Variants in COBL observed in about 807,000 individuals in gnomAD.
The protein encoded by COBL is cordon-bleu WH2 repeat protein, also known as protein cordon-bleu.
Under a neutral mutation model 98.8 loss-of-function variants are expected in COBL, and 51 were observed. The ratio of observed to expected loss-of-function variants is 0.52; its 90% CI spans 0.41 to 0.65. The LOEUF (loss-of-function observed/expected upper bound fraction) is 0.65. Ranked by LOEUF, COBL falls within the 30% of genes least tolerant of loss-of-function variation. The pLI is 0.00. For missense variants in COBL, 1,617 were observed against 1,617.5 expected (o/e 1.00, Z 0.01); for synonymous variants, 634 against 651.7 (o/e 0.97, Z 0.41).
intron 1 of COBL, among the ~76,000 whole-genome samples, chr7:51,241,592 TAA>T (rs1451370021): frequency 6.6e-6 from 1 of 152,168 alleles, no homozygotes; most frequent in East Asian, 1.9e-4. Context: ...TTTAAAAAAA[TAA>T]AAGTCACTGT....
chr7:51,038,621 T>G (rs962708823), intron 8 of COBL, among the ~76,000 whole-genome samples: 2 of 152,168 alleles, frequency 1.3e-5, no homozygotes, highest in Non-Finnish European at 2.9e-5. Flanking sequence ...CCAAACCGTG[T>G]TTAGTGAATA....
At chr7:51,033,913 TCCTC>T (rs1430025165) in intron 8 of COBL, 2 of 152,236 alleles carry the variant, frequency 1.3e-5, no homozygotes, top group African/African-American at 4.8e-5. Context: ...TTCAACACCT[TCCTC>T]CTCCCAGGCT....
intron 1 of COBL, among the ~76,000 whole-genome samples, chr7:51,292,682 TCC>T (rs1801020114): frequency 1.3e-5 from 2 of 152,156 alleles, no homozygotes; most frequent in South Asian, 4.2e-4. Flanking sequence ...GTGTGGAGGG[TCC>T]CTCCTGTCTG....
chr7:51,168,115 A>C (rs1223160683), intron 5 of COBL, among the ~76,000 whole-genome samples: 3 of 152,190 alleles, frequency 2.0e-5, no homozygotes, highest in African/African-American at 7.2e-5. Context: ...AACCCACAAA[A>C]TGAAGAGACA....
intron 5 of COBL, among the ~76,000 whole-genome samples, chr7:51,182,291 T>C (rs1241699087): frequency 1.3e-5 from 2 of 151,860 alleles, no homozygotes; most frequent in East Asian, 3.9e-4. Flanking sequence ...TTCTCTTTTT[T>C]TTTTTTTTGA....
intron 6 of COBL, among the ~76,000 whole-genome samples, chr7:51,127,224 C>G (rs1365745164): frequency 6.6e-6 from 1 of 152,154 alleles, no homozygotes; most frequent in African/African-American, 2.4e-5. Flanking sequence ...TACAAAGACA[C>G]AGAACTGGAA....
chr7:51,199,791 A>G (rs1465405738), intron 2 of COBL, among the ~76,000 whole-genome samples: 1 of 151,976 alleles, frequency 6.6e-6, no homozygotes, highest in Non-Finnish European at 1.5e-5. Flanking sequence ...GAAAAAAAAA[A>G]AAAGAAAAAG....
At chr7:51,203,831 C>A (rs1447991367) in intron 2 of COBL, among the ~76,000 whole-genome samples, 1 of 152,066 alleles carries the variant, frequency 6.6e-6, no homozygotes, top group Non-Finnish European at 1.5e-5. Context: ...TTTTTAAACT[C>A]TTCCAAAAAA....
At chr7:51,032,038 C>T (rs956757763) in intron 8 of COBL, 5 of 152,250 alleles carry the variant, frequency 3.3e-5, no homozygotes, top group Admixed American at 2.6e-4. Context: ...CTTATTATAA[C>T]CCTCACAGTT....
intron 7 of COBL, among the ~76,000 whole-genome samples, chr7:51,080,400 CCA>C (rs1017766475): frequency 6.6e-6 from 1 of 152,176 alleles, no homozygotes; most frequent in Non-Finnish European, 1.5e-5. Context: ...GATGTGAAAG[CCA>C]CAGTGTCCCC....
In COBL at chr7:51,074,191, A is replaced by ATTTT. The variant is rs369421469; in HGVS notation, c.1096+10971_1096+10974dup. 6.3e-3 allele frequency among the ~76,000 whole-genome samples: 631 copies of ATTTT among 100,478 alleles called. 6 individuals are homozygous for ATTTT. The highest frequency in any genetic ancestry group is 8.9e-3 in the East Asian group (29 of 3,260). 65.9% of individuals were successfully genotyped at this position (100,478 alleles called of 152,430 possible). ...TCTTAACTAGTAAAACAAGGTAATG[A>ATTTT]TTTTTTTTTTTTTTTTTTTTTTTGA... is the stretch of plus-strand genomic sequence containing the variant. On this transcript the variant is annotated intron_variant, in intron 7 of 12. Coordinates refer to ENST00000265136, the MANE Select transcript of COBL (RefSeq NM_015198.5).
chr7:51,061,649 T>C lies in COBL; in HGVS notation c.1097-17957A>G, dbSNP rs76411739. Among the ~76,000 whole-genome samples, 173 of 152,262 alleles carry C rather than the reference T, an allele frequency of 1.1e-3. 1 individual carries two copies. The highest frequency in any genetic ancestry group is 3.6e-3 in the African/African-American group (149 of 41,526). On this transcript the variant is annotated intron_variant, in intron 7 of 12. Coordinates refer to ENST00000265136, the MANE Select transcript of COBL (RefSeq NM_015198.5). ...TTTACCAGAGTGATCAGCATCTGAATTGACAGACAGTAAGGAAGATGTGCC... is the reference window on the plus strand; with the variant it reads ...TTTACCAGAGTGATCAGCATCTGAACTGACAGACAGTAAGGAAGATGTGCC...
chr7:51,190,705 TACTTCA>T, intron 4 of COBL, 139 bp downstream of exon 4: 1 of 652,860 alleles, frequency 1.5e-6, no homozygotes, highest in Non-Finnish European at 2.7e-6. Flanking sequence ...CTTTTTTGCC[TACTTCA>T]ACTTGACTTG....
chr7:51,198,495 C>A (rs144050593), intron 2 of COBL, among the ~76,000 whole-genome samples: 1 of 152,096 alleles, frequency 6.6e-6, no homozygotes, highest in Non-Finnish European at 1.5e-5. Context: ...TAGGAGGGAT[C>A]TTCTTGTGAA....
At chr7:51,212,727 G>A (rs1232627279) in intron 2 of COBL, among the ~76,000 whole-genome samples, 1 of 152,200 alleles carries the variant, frequency 6.6e-6, no homozygotes, top group Non-Finnish European at 1.5e-5. Context: ...CTAGTGGCAT[G>A]CACCATAGCA....
At chr7:51,095,484 C>T (rs185940319) in intron 6 of COBL, among the ~76,000 whole-genome samples, 4 of 152,086 alleles carry the variant, frequency 2.6e-5, no homozygotes, top group Non-Finnish European at 4.4e-5. Flanking sequence ...ACAAGATATA[C>T]GGAAACCAAT....
intron 7 of COBL, among the ~76,000 whole-genome samples, chr7:51,056,361 G>GTGTCAAAAGGC (rs200470103): frequency 6.6e-6 from 1 of 151,796 alleles, no homozygotes; most frequent in Non-Finnish European, 1.5e-5. Context: ...TACATCCCAG[G>GTGTCAAAAGGC]TGTCAAAAGG....
At chr7:51,113,532 A>G (rs886797329) in intron 6 of COBL, among the ~76,000 whole-genome samples, 10 of 152,188 alleles carry the variant, frequency 6.6e-5, no homozygotes, top group Admixed American at 4.6e-4. Flanking sequence ...TAAAATTACT[A>G]AAGTGGTTCC....
intron 1 of COBL, among the ~76,000 whole-genome samples, chr7:51,252,390 C>T (rs1796800580): frequency 6.6e-6 from 1 of 152,146 alleles, no homozygotes; most frequent in Non-Finnish European, 1.5e-5. Flanking sequence ...TTCCAATCTC[C>T]CCAGCCCTAG....
Sources: allele counts gnomAD v4.1 joint callset (sites outside exome capture counted in the v4.1 genomes callset), GRCh38; gene constraint gnomAD v4.1.1; transcripts MANE v1.5; gene names NCBI Gene and HGNC (gene_info 2026-07-23, HGNC 2026-07-21).